PPM1H: variants seen among roughly 807,000 people sequenced by gnomAD.
PPM1H encodes protein phosphatase 1H.
PPM1H carries 27 observed loss-of-function variants against 54.9 expected under a neutral mutation model. That is an observed-to-expected ratio of 0.49 (90% CI 0.36 to 0.68). The LOEUF is 0.68. Ranked by LOEUF, PPM1H falls within the 30% of genes least tolerant of loss-of-function variation. The pLI is 0.00. For missense variants in PPM1H, 596 were observed against 667.8 expected, an observed-to-expected ratio of 0.89 and a Z score of 1.19; for synonymous variants, 305 against 270.8, an observed-to-expected ratio of 1.13 and a Z score of -1.24.
At chr12:62,813,017 C>T (rs771165362) in intron 2 of PPM1H, among the ~76,000 whole-genome samples, 4 of 151,884 alleles carry the variant, frequency 2.6e-5, no homozygotes, top group Non-Finnish European at 5.9e-5. Context: ...TGCACCTGAA[C>T]TCCGGGGAAT....
chr12:62,675,272 G>A (rs1436541453), intron 8 of PPM1H, among the ~76,000 whole-genome samples: 2 of 152,162 alleles, frequency 1.3e-5, no homozygotes, highest in South Asian at 2.1e-4. Context: ...ATTGTGCAGA[G>A]AGCCTGAAGG....
chr12:62,852,852 G>A (rs555955394), intron 1 of PPM1H, among the ~76,000 whole-genome samples: 4 of 152,276 alleles, frequency 2.6e-5, no homozygotes, highest in South Asian at 2.1e-4. Context: ...CTGATGTGAC[G>A]CAACTTGAAA....
chr12:62,872,251 T>C (rs1870012930), intron 1 of PPM1H, among the ~76,000 whole-genome samples: 1 of 152,194 alleles, frequency 6.6e-6, no homozygotes, highest in African/African-American at 2.4e-5. Flanking sequence ...ATCGTGAGAG[T>C]ACAACAGTGG....
intron 3 of PPM1H, among the ~76,000 whole-genome samples, chr12:62,793,430 A>G (rs1028685029): frequency 6.6e-6 from 1 of 152,000 alleles, no homozygotes; most frequent in Non-Finnish European, 1.5e-5. Flanking sequence ...GGGAGCCGAG[A>G]AAGCAAACAG....
At chr12:62,734,213 A>C (rs2076338932) in intron 5 of PPM1H, among the ~76,000 whole-genome samples, 5 of 150,816 alleles carry the variant, frequency 3.3e-5, no homozygotes, top group Admixed American at 3.3e-4. Context: ...CCAGACCTTG[A>C]CTCTACCAGC....
intron 5 of PPM1H, among the ~76,000 whole-genome samples, chr12:62,727,113 C>G (rs528595166): frequency 1.9e-4 from 29 of 152,034 alleles, no homozygotes; most frequent in Non-Finnish European, 4.1e-4. Context: ...CAGGGTTTCA[C>G]CAGGCTGGTC....
intron 9 of PPM1H, among the ~76,000 whole-genome samples, chr12:62,661,267 C>A (rs545920746): frequency 1.3e-5 from 2 of 152,190 alleles, no homozygotes; most frequent in African/African-American, 2.4e-5. Flanking sequence ...GAGGGCAGAG[C>A]TGAGGTGTGT....
chr12:62,720,067 T>C, intron 6 of PPM1H, 104 bp downstream of exon 6: 1 of 992,140 alleles, frequency 1.0e-6, no homozygotes, highest in East Asian at 2.4e-5. Context: ...CCCTGGTCTC[T>C]GGCTGTGCTT....
intron 2 of PPM1H, among the ~76,000 whole-genome samples, chr12:62,817,118 AAAAAAAAAAAAAAAAAAAG>A (rs1565797601): frequency 1.1e-5 from 1 of 94,982 alleles, no homozygotes; most frequent in Admixed American, 9.9e-5. Flanking sequence ...TGCATTACTA[AAAAAAAAAAAAAAAAAAAG>A]AAAAAAAAAA....
At chr12:62,667,437 T>C (rs2075925917) in intron 8 of PPM1H, 108 bp from the exon 9 acceptor site, 1 of 997,286 alleles carries the variant, frequency 1.0e-6, no homozygotes, top group Non-Finnish European at 1.4e-6. Flanking sequence ...CCTAGTGGTT[T>C]TCAGATATGC....
intron 2 of PPM1H, among the ~76,000 whole-genome samples, chr12:62,825,070 G>A (rs1005370076): frequency 1.3e-5 from 2 of 151,918 alleles, no homozygotes; most frequent in Admixed American, 6.6e-5. Context: ...ATCAAAAAGT[G>A]GGCAAAGGAT....
At chr12:62,726,094 C>T (rs76627957) in intron 5 of PPM1H, among the ~76,000 whole-genome samples, 3,093 of 152,278 alleles carry the variant, frequency 0.02, 54 homozygotes, top group East Asian at 0.085. Context: ...CTCCTTGCCA[C>T]CACATTCAAT....
intron 6 of PPM1H, among the ~76,000 whole-genome samples, chr12:62,709,200 A>G (rs944980171): frequency 4.6e-5 from 7 of 152,148 alleles, no homozygotes; most frequent in Non-Finnish European, 7.4e-5. Context: ...ACTGCACACG[A>G]AGGGCTAAAA....
At chr12:62,828,823 T>C (rs1868318000) in intron 2 of PPM1H, among the ~76,000 whole-genome samples, 1 of 152,056 alleles carries the variant, frequency 6.6e-6, no homozygotes, top group South Asian at 2.1e-4. Flanking sequence ...CTGAAGAACA[T>C]ATACAAAGGT....
chr12:62,833,145 G>A (rs150224657), intron 1 of PPM1H, among the ~76,000 whole-genome samples: 14 of 152,282 alleles, frequency 9.2e-5, no homozygotes, highest in East Asian at 7.7e-4. Flanking sequence ...CACTGGCTGC[G>A]TTTCCTTTCT....
At chr12:62,868,085 C>A (rs757913804) in intron 1 of PPM1H, among the ~76,000 whole-genome samples, 1 of 152,090 alleles carries the variant, frequency 6.6e-6, no homozygotes, top group East Asian at 1.9e-4. Context: ...CAAAAGGCTG[C>A]CAAATGCATG....
Position 62,648,490 on chromosome 12 carries a change from C to T in PPM1H, c.1544G>A (p.Ter515=). ...TCCTCCCAATCCCCTGGGCCATTTTCATGACAGCTTGTTTCCATGTATTAA... is the reference window on the plus strand; with the variant it reads ...TCCTCCCAATCCCCTGGGCCATTTTTATGACAGCTTGTTTCCATGTATTAA... ...IPLIHGNKLS[*] is the part of the protein sequence containing the mutation. The change falls in exon 10 of 10, where the codon TGA becomes TAA. Residue 515 remains the stop codon, a stop_retained_variant. Coordinates refer to ENST00000228705, the MANE Select transcript of PPM1H (RefSeq NM_020700.2). 1 of 1,613,970 alleles carries T rather than the reference C, an allele frequency of 6.2e-7. No individual in the cohort carries two copies. Among genetic ancestry groups the T allele is most frequent in the Non-Finnish European group, 8.5e-7 (1 of 1,179,846 alleles).
At chr12:62,900,764 A>G (rs1378449168) in intron 1 of PPM1H, among the ~76,000 whole-genome samples, 1 of 152,166 alleles carries the variant, frequency 6.6e-6, no homozygotes, top group Admixed American at 6.5e-5. Flanking sequence ...AGGGGAGGAA[A>G]CTGCTCAGTG....
intron 4 of PPM1H, among the ~76,000 whole-genome samples, chr12:62,761,750 T>TGGCTTA (rs1477159651): frequency 6.6e-6 from 1 of 152,184 alleles, no homozygotes; most frequent in Non-Finnish European, 1.5e-5. Context: ...TGGAGCTGGC[T>TGGCTTA]GGCTTAGTGT....
Sources: allele counts gnomAD v4.1 joint callset (sites outside exome capture counted in the v4.1 genomes callset), GRCh38; gene constraint gnomAD v4.1.1; transcripts MANE v1.5; gene names NCBI Gene and HGNC (gene_info 2026-07-23, HGNC 2026-07-21).